Variants in CDK6 observed in about 807,000 individuals in gnomAD.
The protein encoded by CDK6 is cyclin-dependent kinase 6.
Under a neutral mutation model 37.1 loss-of-function variants are expected in CDK6, and 6 were observed. That is an observed-to-expected ratio of 0.16 (90% CI 0.09 to 0.32). The LOEUF (loss-of-function observed/expected upper bound fraction) is 0.32, where lower values mean the gene tolerates loss of function less well. CDK6 is among the 10% of genes least tolerant of loss of function. The probability of loss-of-function intolerance (pLI) is 1.00; values close to 1 mark genes in which losing one functional copy is unlikely to be tolerated. For missense variants in CDK6, 224 were observed against 418.9 expected (o/e 0.53, Z 4.06); for synonymous variants, 160 against 161.3 (o/e 0.99, Z 0.06).
In CDK6 at chr7:92,813,279, T is replaced by A. The variant is rs556298837; in HGVS notation, c.233+19812A>T. Among the ~76,000 whole-genome samples the A allele has an allele frequency of 2.0e-5, 3 of 152,026 alleles. No individual in the cohort carries two copies. The East Asian group carries it at 5.8e-4, about 29-fold the overall frequency. ...CGTGAAAAGAAGATGGAGGTGAAAA[T>A]CAAGGTTGTAGAGAATTTGAGAGGG... On this transcript the variant is annotated intron_variant, in intron 2 of 7. Transcript: ENST00000424848.
intron 3 of CDK6, among the ~76,000 whole-genome samples, chr7:92,762,570 CT>C (rs34827459): frequency 2.0e-3 from 283 of 141,436 alleles, no homozygotes; most frequent in East Asian, 7.3e-3. Context: ...CATAGAACAC[CT>C]TTTTTTTTTT....
At chr7:92,633,144 TC>T (rs1029810317) in intron 5 of CDK6, among the ~76,000 whole-genome samples, 1 of 152,082 alleles carries the variant, frequency 6.6e-6, no homozygotes, top group Non-Finnish European at 1.5e-5. Flanking sequence ...CATTTTCACT[TC>T]TTAGTTTATA....
In CDK6 at chr7:92,834,362, T is replaced by C. The variant is rs1190320840; in HGVS notation, c.-367-672A>G. On this transcript the variant is annotated intron_variant, in intron 1 of 7. Coordinates refer to ENST00000424848, the MANE Select transcript of CDK6 (RefSeq NM_001145306.2). The surrounding 1 kb of genome is among the most constrained non-coding windows in gnomAD (Gnocchi z 4.6). ...GACTCGCATACACAAATGGTCTTTT[T>C]GGGGTAAAGGAGTCTCGGTTGGAAA... Among the ~76,000 whole-genome samples, 1 of 151,806 alleles carries C rather than the reference T, an allele frequency of 6.6e-6. No homozygotes were observed. Among genetic ancestry groups the C allele is most frequent in the Non-Finnish European group, 1.5e-5 (1 of 67,972 alleles).
At chr7:92,706,745 A>C (rs1371383278) in intron 4 of CDK6, among the ~76,000 whole-genome samples, 2 of 152,222 alleles carry the variant, frequency 1.3e-5, no homozygotes, top group Non-Finnish European at 2.9e-5. Context: ...CCTGAAAGCA[A>C]AGCAATTAAT....
rs914358398 is a variant in CDK6 at position 92,753,178 on chromosome 7, A to C, written c.369+21518T>G. Among the ~76,000 whole-genome samples, 3 of 152,230 alleles carry C rather than the reference A, an allele frequency of 2.0e-5. No homozygotes were observed. In the East Asian group the frequency reaches 5.8e-4, roughly 29 times the overall value. ...TAATAAATGTCACAACCTGATGTTCAGAAGTGGATTTAATCTCAAATAGAA... is the reference window on the plus strand; with the variant it reads ...TAATAAATGTCACAACCTGATGTTCCGAAGTGGATTTAATCTCAAATAGAA... On this transcript the variant is annotated intron_variant, in intron 3 of 7. Coordinates refer to ENST00000424848, the MANE Select transcript of CDK6 (RefSeq NM_001145306.2).
chr7:92,669,683 T>C (rs1304426171), intron 5 of CDK6, among the ~76,000 whole-genome samples: 1 of 152,242 alleles, frequency 6.6e-6, no homozygotes, highest in Admixed American at 6.5e-5. Context: ...ACTTGTTGGA[T>C]GAAAAGAATC....
chr7:92,804,484 T>C (rs1376414484), intron 2 of CDK6, among the ~76,000 whole-genome samples: 1 of 152,176 alleles, frequency 6.6e-6, no homozygotes. Context: ...ATCAAACAAT[T>C]GTGGGAAAAG....
At chr7:92,711,595 T>A (rs1211254788) in intron 4 of CDK6, among the ~76,000 whole-genome samples, 2 of 134,130 alleles carry the variant, frequency 1.5e-5, no homozygotes, top group African/African-American at 5.6e-5. Context: ...AGATAGAGTG[T>A]CTATCTGTCA....
chr7:92,653,902 G>A (rs1186926628), intron 5 of CDK6, among the ~76,000 whole-genome samples: 1 of 151,982 alleles, frequency 6.6e-6, no homozygotes, highest in East Asian at 1.9e-4. Flanking sequence ...CACTGCACCC[G>A]GCCTCAAGAT....
intron 6 of CDK6, 23 bp downstream of exon 6, chr7:92,623,013 G>T: frequency 1.4e-6 from 2 of 1,476,924 alleles, no homozygotes; most frequent in Non-Finnish European, 1.9e-6. Context: ...GGACACTGGT[G>T]TAAAATTATA....
At chr7:92,661,265 CT>C (rs946748782) in intron 5 of CDK6, among the ~76,000 whole-genome samples, 1 of 152,190 alleles carries the variant, frequency 6.6e-6, no homozygotes, top group African/African-American at 2.4e-5. Context: ...GTTTTCTTAC[CT>C]GTCAAATAGG....
intron 3 of CDK6, among the ~76,000 whole-genome samples, chr7:92,754,885 T>C (rs1799274515): frequency 6.6e-6 from 1 of 152,180 alleles, no homozygotes; most frequent in Non-Finnish European, 1.5e-5. Flanking sequence ...TTTTAACTAC[T>C]TCAGTTTGAG....
At chr7:92,779,896 T>TGG in intron 2 of CDK6, among the ~76,000 whole-genome samples, 1 of 152,324 alleles carries the variant, frequency 6.6e-6, no homozygotes, top group East Asian at 1.9e-4. Context: ...TTTTTTTGTC[T>TGG]ACAATGACTC....
chr7:92,775,268 T>C (rs1460884961), intron 2 of CDK6, among the ~76,000 whole-genome samples: 1 of 152,232 alleles, frequency 6.6e-6, no homozygotes, highest in Non-Finnish European at 1.5e-5. Context: ...AAGATTTTCC[T>C]GGAATTTAAG....
At chr7:92,651,039 G>A (rs988931593) in intron 5 of CDK6, among the ~76,000 whole-genome samples, 1 of 152,000 alleles carries the variant, frequency 6.6e-6, no homozygotes. Flanking sequence ...ACAGGCATGC[G>A]CCACCACACC....
At position 92,693,613 on chromosome 7, in the gene CDK6, C is replaced by T. The variant is rs77071815; in HGVS notation, c.538-22078G>A. ...ATAATGAGTAATATGTAAATACAAT[C>T]GATGCTTGTTGAAAAGAATTCTTTT... On this transcript the variant is annotated intron_variant, in intron 4 of 7. Transcript: ENST00000424848. 3.6e-3 allele frequency among the ~76,000 whole-genome samples: 554 copies of T among 152,192 alleles called. 9 individuals carry two copies. The East Asian group carries it at 0.066, about 18-fold the overall frequency.
At chr7:92,743,141 C>G (rs1311821919) in intron 3 of CDK6, among the ~76,000 whole-genome samples, 1 of 151,790 alleles carries the variant, frequency 6.6e-6, no homozygotes, top group Non-Finnish European at 1.5e-5. Flanking sequence ...CTTATACTCA[C>G]AATATATAAA....
At chr7:92,831,322 C>G (rs1038625817) in intron 2 of CDK6, among the ~76,000 whole-genome samples, 1 of 152,188 alleles carries the variant, frequency 6.6e-6, no homozygotes. Flanking sequence ...TAGTGTTATA[C>G]AGGGGTGCCT....
chr7:92,682,878 A>G (rs2116626405), intron 4 of CDK6, among the ~76,000 whole-genome samples: 1 of 152,340 alleles, frequency 6.6e-6, no homozygotes, highest in Non-Finnish European at 1.5e-5. Context: ...AAGTTTTAAA[A>G]TGCCTGAAGG....
Sources: allele counts gnomAD v4.1 joint callset (sites outside exome capture counted in the v4.1 genomes callset), GRCh38; gene constraint gnomAD v4.1.1; non-coding constraint Gnocchi (gnomAD v3.1); transcripts MANE v1.5; gene names NCBI Gene and HGNC (gene_info 2026-07-23, HGNC 2026-07-21).